MAP2: variants seen among roughly 807,000 people sequenced by gnomAD.
The protein encoded by MAP2 is microtubule-associated protein 2.
A neutral mutation model predicts 137.6 loss-of-function variants in MAP2; 14 were observed. The observed-to-expected ratio is 0.10, with a 90% CI of 0.07 to 0.16. The LOEUF (loss-of-function observed/expected upper bound fraction) is 0.16. Among genes scored for constraint, MAP2 ranks in the 10% least tolerant of loss-of-function variants. The pLI is 1.00. For missense variants in MAP2, 2,088 were observed against 2,191.5 expected (o/e 0.95, Z 0.94); for synonymous variants, 786 against 782.3 (o/e 1.00, Z -0.08).
chr2:209,681,088 T>G (rs2054351129), intron 7 of MAP2, among the ~76,000 whole-genome samples: 1 of 152,196 alleles, frequency 6.6e-6, no homozygotes, highest in Non-Finnish European at 1.5e-5. Flanking sequence ...CTAAAATAAC[T>G]GTAGAGACCC....
intron 1 of MAP2, among the ~76,000 whole-genome samples, chr2:209,504,482 G>C (rs1040556888): frequency 1.3e-5 from 2 of 152,148 alleles, no homozygotes; most frequent in African/African-American, 4.8e-5. Context: ...TTTCAGGTTA[G>C]ACTTTCCCTG....
chr2:209,709,009 T>C (rs1243741126), intron 12 of MAP2, among the ~76,000 whole-genome samples: 1 of 152,146 alleles, frequency 6.6e-6, no homozygotes, highest in Non-Finnish European at 1.5e-5. Context: ...GGAAAGTATT[T>C]GAAATGTCAT....
At position 209,697,058 on chromosome 2, in the gene MAP2, G is replaced by A; in HGVS notation, c.4522+7G>A. The A allele has an allele frequency of 2.5e-6, 4 of 1,581,688 alleles. No homozygotes were observed. Among genetic ancestry groups the A allele is most frequent in the Non-Finnish European group, 3.4e-6 (4 of 1,170,474 alleles). ...GTTAAGCGGAAAACCACAGGTGACT[G>A]TTCAATTCTGCAATGTGACTGGCAA... On this transcript the variant is annotated splice_region_variant and intron_variant, in intron 10 of 15. Coordinates refer to ENST00000682079, the MANE Select transcript of MAP2 (RefSeq NM_001375505.1).
At position 209,690,812 on chromosome 2, in the gene MAP2, T is replaced by C. The variant is rs1172398552; in HGVS notation, c.455-1813T>C. 5.4e-6 allele frequency: 7 copies of C among 1,286,880 alleles called. No homozygotes were observed. The African/African-American group carries it at 7.6e-5, about 14-fold the overall frequency. 79.7% of individuals were successfully genotyped at this position (1,286,880 alleles called of 1,614,324 possible). ...AAGTGTAAAAGAGGTCAAGGAGGTG[T>C]CTCCAGAAGTAAAAACCCCTTCCTC... On this transcript the variant is annotated intron_variant, in intron 7 of 15. Transcript: ENST00000682079.
intron 6 of MAP2, among the ~76,000 whole-genome samples, chr2:209,679,288 A>T (rs2053393366): frequency 6.6e-6 from 1 of 151,994 alleles, no homozygotes; most frequent in Non-Finnish European, 1.5e-5. Flanking sequence ...TTGCCAAAGG[A>T]AACACTCTCA....
intron 1 of MAP2, among the ~76,000 whole-genome samples, chr2:209,495,806 ATTG>A (rs891120281): frequency 1.3e-5 from 2 of 152,148 alleles, no homozygotes; most frequent in African/African-American, 4.8e-5. Flanking sequence ...ATTTCCTATA[ATTG>A]TTGTTTTGTA....
At chr2:209,549,827 C>A (rs1284603586) in intron 2 of MAP2, among the ~76,000 whole-genome samples, 3 of 152,144 alleles carry the variant, frequency 2.0e-5, no homozygotes, top group African/African-American at 7.2e-5. Flanking sequence ...GTGGCACATC[C>A]GTTCTGGTTT....
chr2:209,694,521 TATC>T lies in MAP2; in HGVS notation c.2354_2356del (p.Ser785del). On this transcript the variant is annotated inframe_deletion, in exon 8 of 16. Coordinates refer to ENST00000682079, the MANE Select transcript of MAP2 (RefSeq NM_001375505.1). ...GGAGAAGAAAGTACTCAAGCGGAGA[TATC>T]ATGTGAGTCTCCTTTCCTAGCCAAA... 1 of 1,614,080 alleles carries T rather than the reference TATC, an allele frequency of 6.2e-7. No individual in the cohort carries two copies. Among genetic ancestry groups the T allele is most frequent in the Non-Finnish European group, 8.5e-7 (1 of 1,179,986 alleles).
chr2:209,721,681 G>C (rs976640082), intron 13 of MAP2, among the ~76,000 whole-genome samples: 1 of 152,156 alleles, frequency 6.6e-6, no homozygotes, highest in Non-Finnish European at 1.5e-5. Flanking sequence ...ACTGATTTTA[G>C]AATTTCCATT....
At chr2:209,576,039 C>T (rs926874173) in intron 2 of MAP2, among the ~76,000 whole-genome samples, 8 of 152,074 alleles carry the variant, frequency 5.3e-5, no homozygotes, top group African/African-American at 1.7e-4. Flanking sequence ...TACACAAATA[C>T]GCAGACCAAT....
chr2:209,514,268 G>T (rs1047335355), intron 2 of MAP2, among the ~76,000 whole-genome samples: 1 of 152,008 alleles, frequency 6.6e-6, no homozygotes, highest in Admixed American at 6.6e-5. Flanking sequence ...AGTTTTCTAA[G>T]TTTCCCAAAT....
chr2:209,672,685 C>A (rs973779199), intron 5 of MAP2, among the ~76,000 whole-genome samples: 1 of 151,702 alleles, frequency 6.6e-6, no homozygotes, highest in African/African-American at 2.4e-5. Context: ...ATATCTTTAT[C>A]CATTATTTTG....
chr2:209,682,231 C>T (rs978536848), intron 7 of MAP2, among the ~76,000 whole-genome samples: 2 of 152,218 alleles, frequency 1.3e-5, no homozygotes, highest in South Asian at 4.2e-4. Flanking sequence ...ACACTATAGC[C>T]GGTAATCCCA....
intron 3 of MAP2, among the ~76,000 whole-genome samples, chr2:209,585,723 G>A (rs2077538647): frequency 1.3e-5 from 2 of 152,088 alleles, no homozygotes; most frequent in Admixed American, 6.6e-5. Flanking sequence ...TGCTGTAGTG[G>A]AATAGTTTGT....
intron 1 of MAP2, among the ~76,000 whole-genome samples, chr2:209,434,919 GTTATATATATA>G (rs1559157620): frequency 4.5e-5 from 6 of 133,238 alleles, no homozygotes; most frequent in African/African-American, 1.7e-4. Context: ...TTATATATAT[GTTATATATATA>G]TGTTATATAT....
chr2:209,479,073 A>G (rs997025599), intron 1 of MAP2, among the ~76,000 whole-genome samples: 1 of 152,178 alleles, frequency 6.6e-6, no homozygotes, highest in Non-Finnish European at 1.5e-5. Flanking sequence ...GTGTTAGCCT[A>G]TGTGTATTCA....
chr2:209,441,509 A>G (rs1469827780), intron 1 of MAP2, among the ~76,000 whole-genome samples: 5 of 151,562 alleles, frequency 3.3e-5, no homozygotes, highest in East Asian at 1.9e-4. Context: ...GGTATCCCCA[A>G]AGGATTTATT....
intron 5 of MAP2, among the ~76,000 whole-genome samples, chr2:209,660,017 G>A (rs890486621): frequency 3.3e-5 from 5 of 151,984 alleles, no homozygotes; most frequent in African/African-American, 1.2e-4. Flanking sequence ...CAGCCTGGGC[G>A]ACAGAGCGAG....
chr2:209,636,566 T>C (rs1461420953), intron 4 of MAP2, among the ~76,000 whole-genome samples: 1 of 90,774 alleles, frequency 1.1e-5, no homozygotes, highest in Non-Finnish European at 1.8e-5. Context: ...GTATATATTA[T>C]ATATATATAT....
Sources: gnomAD v4.1 joint callset for allele counts (sites outside exome capture counted in the v4.1 genomes callset) on GRCh38, gnomAD v4.1.1 for gene constraint, MANE v1.5 for transcripts, NCBI Gene and HGNC (gene_info 2026-07-23, HGNC 2026-07-21) for gene names.